Variants in KCNQ1 observed in about 807,000 individuals in gnomAD.
KCNQ1 encodes potassium voltage-gated channel subfamily Q member 1.
Under a neutral mutation model 72.4 loss-of-function variants are expected in KCNQ1, and 49 were observed. The ratio of observed to expected loss-of-function variants is 0.68; its 90% CI spans 0.54 to 0.86. The LOEUF (loss-of-function observed/expected upper bound fraction) is 0.86. Among genes scored for constraint, KCNQ1 ranks in the 40% least tolerant of loss-of-function variants. KCNQ1 has a pLI of 0.00. For synonymous variants in KCNQ1, 450 were observed against 412.6 expected (o/e 1.09, Z -1.10); for missense variants, 790 against 945.1 (o/e 0.84, Z 2.15).
chr11:2,812,750 C>T (rs1027137424), intron 15 of KCNQ1, among the ~76,000 whole-genome samples: 2 of 152,130 alleles, frequency 1.3e-5, no homozygotes, highest in African/African-American at 2.4e-5. Flanking sequence ...GTGGGCCCCA[C>T]GCCCCCGAGG....
intron 11 of KCNQ1, among the ~76,000 whole-genome samples, chr11:2,730,048 A>T (rs1381949279): frequency 1.3e-5 from 2 of 151,958 alleles, no homozygotes; most frequent in South Asian, 4.2e-4. Flanking sequence ...GGACCCCGAG[A>T]GCTAGGACAC....
chr11:2,471,693 C>T lies in KCNQ1; in HGVS notation c.386+26209C>T, dbSNP rs978944063. On this transcript the variant is annotated intron_variant, in intron 1 of 15. Transcript: ENST00000155840. The surrounding 1 kb of genome is among the most constrained non-coding windows in gnomAD (Gnocchi z 4.8). ...GGGTGTGCACATGTGTATGGGTGTG[C>T]ATGTGTGTATAGGTGTGTGTATGTG... 2.0e-5 allele frequency among the ~76,000 whole-genome samples: 3 copies of T among 147,548 alleles called. No individual in the cohort carries two copies. The highest frequency in any genetic ancestry group is 2.1e-4 in the South Asian group (1 of 4,656).
intron 15 of KCNQ1, among the ~76,000 whole-genome samples, chr11:2,844,400 T>C (rs556328016): frequency 3.3e-5 from 5 of 152,270 alleles, no homozygotes; most frequent in African/African-American, 1.2e-4. Context: ...CCAGAGACCC[T>C]AGCCAGTCCC....
intron 2 of KCNQ1, among the ~76,000 whole-genome samples, chr11:2,545,845 A>G (rs995926278): frequency 5.9e-5 from 9 of 152,336 alleles, no homozygotes; most frequent in South Asian, 2.1e-4. Flanking sequence ...TTAAACAGCT[A>G]TAGAATTTGT....
chr11:2,610,368 T>A (rs1055348413), intron 10 of KCNQ1: 1 of 398,144 alleles, frequency 2.5e-6, no homozygotes, highest in African/African-American at 2.1e-5. Flanking sequence ...TAATGATATA[T>A]CTTTAAAGAA....
chr11:2,838,837 G>A (rs116120261), intron 15 of KCNQ1, among the ~76,000 whole-genome samples: 2,792 of 152,262 alleles, frequency 0.018, 87 homozygotes, highest in African/African-American at 0.064. Context: ...GGGCCTCTGC[G>A]GGCTCGCCAG....
In KCNQ1 at chr11:2,734,651, G is replaced by T. The variant is rs1419130028; in HGVS notation, c.1515-34193G>T. Reference sequence around the variant, plus strand: ...ACTGGAGAGTAGGAGCAGGTCTCGGGGGTAGCTTCCTGAAGAGATGAGTCA... The same window carrying T: ...ACTGGAGAGTAGGAGCAGGTCTCGGTGGTAGCTTCCTGAAGAGATGAGTCA... On this transcript the variant is annotated intron_variant, in intron 11 of 15. Coordinates refer to ENST00000155840, the MANE Select transcript of KCNQ1 (RefSeq NM_000218.3). The surrounding 1 kb of genome is among the most constrained non-coding windows in gnomAD (Gnocchi z 7.0). Among the ~76,000 whole-genome samples the T allele has an allele frequency of 6.6e-5, 10 of 151,414 alleles. No homozygotes were observed. The highest frequency in any genetic ancestry group is 1.5e-4 in the Non-Finnish European group (10 of 67,764).
intron 2 of KCNQ1, among the ~76,000 whole-genome samples, chr11:2,561,063 G>T (rs911277565): frequency 1.3e-5 from 2 of 151,652 alleles, no homozygotes; most frequent in African/African-American, 4.9e-5. Context: ...TTAGCCGGGC[G>T]AGGTGGCGGG....
At position 2,817,968 on chromosome 11, in the gene KCNQ1, C is replaced by A. The variant is rs1326029747; in HGVS notation, c.1795-29799C>A. 6.6e-6 allele frequency among the ~76,000 whole-genome samples: 1 copy of A among 152,138 alleles called. No homozygotes were observed. The highest frequency in any genetic ancestry group is 2.4e-5 in the African/African-American group (1 of 41,408). On this transcript the variant is annotated intron_variant, in intron 15 of 15. Coordinates refer to ENST00000155840, the MANE Select transcript of KCNQ1 (RefSeq NM_000218.3). This position sits in a 1 kb window ranked among gnomAD's most constrained non-coding sequence, Gnocchi z 6.1. ...GTGAAAAAAACTAACTTCGTATAAC[C>A]CAACTATTCCCAAACTCTATCTACA...
Position 2,601,570 on chromosome 11 carries a change from C to A in KCNQ1, c.1393+12716C>A, listed in dbSNP as rs2133777182. 6.6e-6 allele frequency among the ~76,000 whole-genome samples: 1 copy of A among 152,306 alleles called. No homozygotes were observed. Among genetic ancestry groups the A allele is most frequent in the African/African-American group, 2.4e-5 (1 of 41,568 alleles). On this transcript the variant is annotated intron_variant, in intron 10 of 15. Transcript: ENST00000155840. The surrounding 1 kb of genome is among the most constrained non-coding windows in gnomAD (Gnocchi z 5.2). ...TTATTTGTCCTTTTACACGGACTTT[C>A]TCCCATCCCATCCCTCCAATCCCTG...
At chr11:2,675,760 C>T (rs1199442958) in intron 11 of KCNQ1, 5 of 398,604 alleles carry the variant, frequency 1.3e-5, no homozygotes, top group African/African-American at 1.0e-4. Context: ...CAGAGACTCA[C>T]AGCACTGTGT....
rs1465600928 is a variant in KCNQ1, at chr11:2,824,005, T to C, written c.1795-23762T>C. 6.6e-6 allele frequency among the ~76,000 whole-genome samples: 1 copy of C among 151,640 alleles called. No homozygotes were observed. Among genetic ancestry groups the C allele is most frequent in the Non-Finnish European group, 1.5e-5 (1 of 67,942 alleles). ...GGACCAGTGATGGGCTTCCCGGGAGTGGAGCTGGGCATGCACACTAAGGCC... is the reference window on the plus strand; with the variant it reads ...GGACCAGTGATGGGCTTCCCGGGAGCGGAGCTGGGCATGCACACTAAGGCC... On this transcript the variant is annotated intron_variant, in intron 15 of 15. Transcript: ENST00000155840. This position sits in a 1 kb window ranked among gnomAD's most constrained non-coding sequence, Gnocchi z 5.9.
chr11:2,578,456 C>T (rs756519606), intron 6 of KCNQ1, among the ~76,000 whole-genome samples: 43 of 152,238 alleles, frequency 2.8e-4, no homozygotes, highest in Non-Finnish European at 5.6e-4. Flanking sequence ...GGGACACCTG[C>T]CTGGACCTCT....
intron 1 of KCNQ1, among the ~76,000 whole-genome samples, chr11:2,476,663 G>T (rs537539231): frequency 6.6e-6 from 1 of 152,240 alleles, no homozygotes; most frequent in African/African-American, 2.4e-5. Flanking sequence ...ACATGAGAAG[G>T]CTCTTTGGCA....
chr11:2,797,468 T>A (rs139657141), intron 15 of KCNQ1, among the ~76,000 whole-genome samples: 3 of 152,300 alleles, frequency 2.0e-5, no homozygotes, highest in African/African-American at 7.2e-5. Context: ...TGGGCTGGCC[T>A]CTTCCTAGCA....
intron 11 of KCNQ1, chr11:2,699,654 A>AAGAACCCCCGGGGAGAACCGCGCCGG (rs1850752012): frequency 2.8e-6 from 1 of 356,248 alleles, no homozygotes; most frequent in African/African-American, 2.2e-5. Context: ...AACCGCGCCG[A>AAGAACCCCCGGGGAGAACCGCGCCGG]AGAACCCCCG....
Position 2,450,101 on chromosome 11 carries a change from G to T in KCNQ1, c.386+4617G>T, listed in dbSNP as rs1846101859. Among the ~76,000 whole-genome samples, 3 of 152,206 alleles carry T rather than the reference G, an allele frequency of 2.0e-5. No homozygotes were observed. The highest frequency in any genetic ancestry group is 7.2e-5 in the African/African-American group (3 of 41,446). On this transcript the variant is annotated intron_variant, in intron 1 of 15. Coordinates refer to ENST00000155840, the MANE Select transcript of KCNQ1 (RefSeq NM_000218.3). This position sits in a 1 kb window ranked among gnomAD's most constrained non-coding sequence, Gnocchi z 7.9. ...GCATTCCACCCGCCTTGTCTGGGAG[G>T]TGGACGAGCCCTCCGTAGCCCTGAC...
intron 10 of KCNQ1, chr11:2,648,968 CTT>C: frequency 2.7e-6 from 1 of 369,122 alleles, no homozygotes. Flanking sequence ...TCCTTTGTCT[CTT>C]TTTTCTTTTT....
rs1314003844 is a variant in KCNQ1, at chr11:2,592,411, G to C, written c.1393+3557G>C. On this transcript the variant is annotated intron_variant, in intron 10 of 15. Transcript: ENST00000155840. The surrounding 1 kb of genome is among the most constrained non-coding windows in gnomAD (Gnocchi z 5.2). ...GACTAACCTGCAGCAAAAATGGGCT[G>C]TGTGGTCCCTGTAGAGCAGCCTCAC... 6.6e-6 allele frequency among the ~76,000 whole-genome samples: 1 copy of C among 152,190 alleles called. No individual in the cohort carries two copies. Among genetic ancestry groups the C allele is most frequent in the Non-Finnish European group, 1.5e-5 (1 of 68,024 alleles).
Sources: gnomAD v4.1 joint callset for allele counts (sites outside exome capture counted in the v4.1 genomes callset) on GRCh38, gnomAD v4.1.1 for gene constraint, Gnocchi (gnomAD v3.1) non-coding constraint, MANE v1.5 for transcripts, NCBI Gene and HGNC (gene_info 2026-07-23, HGNC 2026-07-21) for gene names.